RBL2: variants seen among roughly 807,000 people sequenced by gnomAD.
RBL2 encodes the protein RB transcriptional corepressor like 2.
RBL2 carries 56 observed loss-of-function variants against 126.0 expected under a neutral mutation model. That is an observed-to-expected ratio of 0.44 (90% CI 0.36 to 0.56). The LOEUF (loss-of-function observed/expected upper bound fraction) is 0.56, where lower values mean the gene tolerates loss of function less well. RBL2 is among the 20% of genes least tolerant of loss of function. RBL2 has a pLI of 0.00. For missense variants in RBL2, 1,229 were observed against 1,398.2 expected, an observed-to-expected ratio of 0.88 and a Z score of 1.93; for synonymous variants, 454 against 478.5, an observed-to-expected ratio of 0.95 and a Z score of 0.67.
intron 14 of RBL2, among the ~76,000 whole-genome samples, chr16:53,468,849 G>A (rs538471124): frequency 3.1e-4 from 47 of 152,260 alleles, no homozygotes; most frequent in African/African-American, 1.1e-3. Context: ...TCAGACATTG[G>A]TGTGAATACT....
intron 9 of RBL2, among the ~76,000 whole-genome samples, chr16:53,460,695 G>C (rs2058211217): frequency 6.6e-6 from 1 of 152,054 alleles, no homozygotes; most frequent in South Asian, 2.1e-4. Context: ...TTTGTTGAAA[G>C]GTATGTGTGT....
intron 1 of RBL2, among the ~76,000 whole-genome samples, chr16:53,438,205 G>A (rs554944866): frequency 1.3e-5 from 2 of 151,998 alleles, no homozygotes; most frequent in African/African-American, 4.8e-5. Context: ...AAAATGACTG[G>A]TACCTCACCT....
In RBL2 at chr16:53,434,665, C is replaced by A; in HGVS notation, c.109C>A (p.Pro37Thr). Residue 37 changes from proline to threonine, a missense_variant, in exon 1 of 22, where the codon CCT becomes ACT. This residue lies in a region of RBL2 where 159 missense variants were observed against 123.9 expected (regional missense o/e 1.28). Coordinates refer to ENST00000262133, the MANE Select transcript of RBL2 (RefSeq NM_005611.4). ...DDGEAEDAAP[P>T]AESPTPQIQQ... ...CGGCGAGGCGGAAGACGCCGCGCCG[C>A]CTGCCGAGTCGCCCACCCCTCAGAT... 1 of 1,570,132 alleles carries A rather than the reference C, an allele frequency of 6.4e-7. No individual in the cohort carries two copies. The highest frequency in any genetic ancestry group is 1.8e-5 in the Admixed American group (1 of 55,170).
intron 9 of RBL2, 117 bp downstream of exon 9, chr16:53,459,734 C>A: frequency 9.8e-7 from 1 of 1,018,534 alleles, no homozygotes; most frequent in Non-Finnish European, 1.4e-6. Flanking sequence ...CAATTGTATA[C>A]TCAGTCCTGT....
chr16:53,475,062 T>C (rs1960677972), intron 17 of RBL2, among the ~76,000 whole-genome samples: 1 of 152,244 alleles, frequency 6.6e-6, no homozygotes, highest in Admixed American at 6.5e-5. Context: ...ATCATCTGTT[T>C]CTTCTAGAAT....
In RBL2 at chr16:53,470,004, C is replaced by T; in HGVS notation, c.2064C>T (p.Ser688=). 6.2e-7 allele frequency: 1 copy of T among 1,614,156 alleles called. No individual in the cohort carries two copies. ...GGCGGCTATTTGTTGAGAATGATAG[C>T]CCCTCTGATGGAGGGACGCCTGGGC... ...TRRRLFVEND[S]PSDGGTPGRM... is the part of the protein sequence containing the mutation. The change falls in exon 15 of 22, where the codon AGC becomes AGT. Residue 688 remains serine (S), a synonymous_variant. Coordinates refer to ENST00000262133, the MANE Select transcript of RBL2 (RefSeq NM_005611.4).
intron 21 of RBL2, among the ~76,000 whole-genome samples, chr16:53,485,067 A>G (rs1961111458): frequency 6.6e-6 from 1 of 152,176 alleles, no homozygotes; most frequent in African/African-American, 2.4e-5. Flanking sequence ...AGAGAAAATC[A>G]CTAAGGATAC....
intron 11 of RBL2, among the ~76,000 whole-genome samples, chr16:53,463,302 G>A (rs1049567193): frequency 3.9e-5 from 6 of 152,140 alleles, no homozygotes; most frequent in Non-Finnish European, 8.8e-5. Flanking sequence ...CATCTAGCCA[G>A]TCACCTGCCT....
At chr16:53,435,773 A>G (rs774065643) in intron 1 of RBL2, 4 of 1,262,428 alleles carry the variant, frequency 3.2e-6, no homozygotes, top group South Asian at 2.5e-5. Context: ...GTTTTTGGCT[A>G]TGTGTACTGA....
chr16:53,480,591 T>C lies in RBL2; in HGVS notation c.2906T>C (p.Met969Thr), dbSNP rs1397523857. The change falls in exon 20 of 22, where the codon ATG becomes ACG. Residue 969 changes from methionine to threonine, a missense_variant. By Grantham distance (81) the Met-to-Thr change is moderately conservative. This residue lies in a region of RBL2 where 1,070 missense variants were observed against 1,274.3 expected (regional missense o/e 0.84). Transcript: ENST00000262133. ...DRTSRDSSPVMRSSSTLPVPQ... is the reference protein window; with the variant it reads ...DRTSRDSSPVTRSSSTLPVPQ... The stretch of plus-strand genomic sequence containing the variant: ...GCCAGTAGAGACTCCAGTCCAGTTA[T>C]GAGGTCAAGCAGCACCTTGCCAGTT... The C allele has an allele frequency of 1.2e-6, 2 of 1,613,934 alleles. No homozygotes were observed. Among genetic ancestry groups the C allele is most frequent in the Non-Finnish European group, 1.7e-6 (2 of 1,179,930 alleles).
At chr16:53,452,280 A>G (rs2058123429) in intron 5 of RBL2, among the ~76,000 whole-genome samples, 1 of 152,240 alleles carries the variant, frequency 6.6e-6, no homozygotes, top group African/African-American at 2.4e-5. Flanking sequence ...TAACAGATAT[A>G]TGGAAATGAT....
In RBL2 at chr16:53,451,633, G is replaced by A. The variant is rs981292114; in HGVS notation, c.638-70G>A. 7.2e-6 allele frequency: 11 copies of A among 1,528,858 alleles called. No homozygotes were observed. The African/African-American group carries it at 9.6e-5, about 13-fold the overall frequency. The allele number at this position is 1,528,858 out of a possible 1,614,324, so 94.7% of individuals were successfully genotyped here. A position where few individuals can be genotyped will look rare whatever the true frequency, so the allele number is the denominator to read the frequency against. On this transcript the variant is annotated intron_variant, in intron 4 of 21. Transcript: ENST00000262133. ...GTTTTGTAATGTCATAATAAGTAAAGGAAGAAATTTTTTAAAAATGTTACA... is the reference window on the plus strand; with the variant it reads ...GTTTTGTAATGTCATAATAAGTAAAAGAAGAAATTTTTTAAAAATGTTACA...
At chr16:53,445,172 G>A (rs1362429) in intron 3 of RBL2, among the ~76,000 whole-genome samples, 3 of 151,552 alleles carry the variant, frequency 2.0e-5, no homozygotes, top group African/African-American at 7.3e-5. Flanking sequence ...ACAAAAAATA[G>A]AAAAATTAGC....
chr16:53,474,567 C>T (rs192627717), intron 17 of RBL2, among the ~76,000 whole-genome samples: 188 of 152,312 alleles, frequency 1.2e-3, no homozygotes, highest in African/African-American at 4.2e-3. Flanking sequence ...CCACCTGCCT[C>T]GGCCTCCCAA....
At chr16:53,462,807 G>A in intron 11 of RBL2, 152 bp downstream of exon 11, 1 of 572,620 alleles carries the variant, frequency 1.7e-6, no homozygotes, top group East Asian at 3.5e-5. Context: ...TTTTTCACTA[G>A]TTGCCTGTGC....
At chr16:53,440,715 G>A (rs1219094149) in intron 2 of RBL2, among the ~76,000 whole-genome samples, 1 of 151,954 alleles carries the variant, frequency 6.6e-6, no homozygotes, top group Non-Finnish European at 1.5e-5. Flanking sequence ...CACCACACCT[G>A]GCTAATTTTT....
rs569767327 is a variant in RBL2, at chr16:53,453,865, A to C, written c.992+96A>C. The C allele has an allele frequency of 6.9e-5, 77 of 1,120,448 alleles. 2 individuals are homozygous for C. The South Asian group carries it at 1.2e-3, about 17-fold the overall frequency. The allele number at this position is 1,120,448 out of a possible 1,614,324, so 69.4% of individuals were successfully genotyped here. ...TTTATTGTTTGTACTCTGGAAACTG[A>C]GAATATGTTTTGTGAGAGAATACAG... On this transcript the variant is annotated intron_variant, in intron 7 of 21. Coordinates refer to ENST00000262133, the MANE Select transcript of RBL2 (RefSeq NM_005611.4).
rs751512661 is a variant in RBL2, at chr16:53,490,615, A to G, written c.*315A>G. ...AAATGATGTGTACCCAAACGTGAGC[A>G]TAGGAGGCTTCTGTTGACGTACTCC... On this transcript the variant is annotated 3_prime_UTR_variant, in exon 22 of 22. Coordinates refer to ENST00000262133, the MANE Select transcript of RBL2 (RefSeq NM_005611.4). The G allele has an allele frequency of 1.8e-5, 4 of 220,948 alleles. No individual in the cohort carries two copies. Among genetic ancestry groups the G allele is most frequent in the Non-Finnish European group, 2.6e-5 (3 of 113,484 alleles). 13.7% of individuals were successfully genotyped at this position (220,948 alleles called of 1,614,324 possible). A position where few individuals can be genotyped will look rare whatever the true frequency, so the allele number is the denominator to read the frequency against.
intron 21 of RBL2, chr16:53,487,640 TACA>T (rs1394310924): frequency 2.6e-5 from 4 of 152,196 alleles, no homozygotes; most frequent in Admixed American, 6.5e-5. Flanking sequence ...AAATTTTATA[TACA>T]ACATCAAAAG....
Sources: gnomAD v4.1 joint callset for allele counts (sites outside exome capture counted in the v4.1 genomes callset) on GRCh38, gnomAD v4.1.1 for gene constraint, gnomAD v4.1.1 regional missense constraint, MANE v1.5 for transcripts, NCBI Gene and HGNC (gene_info 2026-07-23, HGNC 2026-07-21) for gene names.